Variants in JPT1 observed in about 807,000 individuals in gnomAD.
The protein encoded by JPT1 is Jupiter microtubule associated homolog 1.
In JPT1, 5 loss-of-function variants were observed where a neutral mutation model predicts 17.0. The observed-to-expected ratio is 0.29, with a 90% confidence interval of 0.15 to 0.62. The LOEUF (loss-of-function observed/expected upper bound fraction) is 0.62. JPT1 is among the 20% of genes least tolerant of loss of function. The pLI is 0.85. For synonymous variants in JPT1, 71 were observed against 73.6 expected (o/e 0.96, Z 0.18); for missense variants, 158 against 188.1 (o/e 0.84, Z 0.94).
rs1056845524 is a variant in JPT1 at position 75,138,243 on chromosome 17, G to A, written c.317-1993C>T. The stretch of plus-strand genomic sequence containing the variant: ...CTCCCAAGGTGCTGGGATTACAGGC[G>A]TGAGCCTCCATACTGGGCCTTAGTT... On this transcript the variant is annotated intron_variant, in intron 4 of 4. Transcript: ENST00000409753. Among the ~76,000 whole-genome samples the A allele has an allele frequency of 3.3e-5, 5 of 152,102 alleles. No individual in the cohort carries two copies. In the East Asian group the frequency reaches 7.7e-4, roughly 23 times the overall value.
chr17:75,145,250 C>T (rs1421139037), intron 4 of JPT1: 5 of 151,564 alleles, frequency 3.3e-5, no homozygotes, highest in African/African-American at 1.2e-4. Context: ...TCAACCTTTC[C>T]GTGTGTCCTT....
At chr17:75,149,028 A>G in intron 1 of JPT1, 1 of 1,273,144 alleles carries the variant, frequency 7.9e-7, no homozygotes, top group Non-Finnish European at 1.0e-6. Context: ...CTTTCAAAGA[A>G]GTTTAGAAGT....
rs974716998 is a variant in JPT1, at chr17:75,154,426, C to T, written c.-29G>A. 2.6e-6 allele frequency: 4 copies of T among 1,545,266 alleles called. No individual in the cohort carries two copies. The highest frequency in any genetic ancestry group is 3.5e-6 in the Non-Finnish European group (4 of 1,144,526). ...GCCGAGGAGCGAGGTAGGCTGGCGCCGGAGCAGAACGCTCAAAGGGTCGGA... is the reference window on the plus strand; with the variant it reads ...GCCGAGGAGCGAGGTAGGCTGGCGCTGGAGCAGAACGCTCAAAGGGTCGGA... On this transcript the variant is annotated 5_prime_UTR_variant, in exon 1 of 5. Coordinates refer to ENST00000409753, the MANE Select transcript of JPT1 (RefSeq NM_016185.4).
intron 4 of JPT1, 73 bp from the exon 5 acceptor site, chr17:75,136,323 CTTTT>C (rs759551749): frequency 2.1e-6 from 3 of 1,433,578 alleles, no homozygotes; most frequent in Non-Finnish European, 1.9e-6. Context: ...ATCTGTTTCT[CTTTT>C]TCTTTTTTTT....
At chr17:75,153,469 G>T (rs2074584691) in intron 1 of JPT1, 1 of 152,204 alleles carries the variant, frequency 6.6e-6, no homozygotes, top group African/African-American at 2.4e-5. Context: ...TCCTGCAAGG[G>T]AACCAGGGCC....
intron 1 of JPT1, among the ~76,000 whole-genome samples, chr17:75,150,323 G>A (rs993703247): frequency 6.6e-6 from 1 of 150,988 alleles, no homozygotes; most frequent in African/African-American, 2.4e-5. Flanking sequence ...GTGCAATCTC[G>A]GCTCACTGCA....
At chr17:75,144,608 TC>T (rs1391895879) in intron 4 of JPT1, among the ~76,000 whole-genome samples, 1 of 152,128 alleles carries the variant, frequency 6.6e-6, no homozygotes, top group African/African-American at 2.4e-5. Context: ...AGCAAATTAA[TC>T]AAAACCATAG....
chr17:75,144,438 G>C (rs1048673389), intron 4 of JPT1, among the ~76,000 whole-genome samples: 5 of 152,112 alleles, frequency 3.3e-5, no homozygotes, highest in African/African-American at 1.2e-4. Flanking sequence ...CTTCAGCTCA[G>C]GAGTTTGAAG....
chr17:75,140,773 A>G (rs2074292807), intron 4 of JPT1, among the ~76,000 whole-genome samples: 1 of 151,964 alleles, frequency 6.6e-6, no homozygotes, highest in Admixed American at 6.6e-5. Flanking sequence ...CGGGGGAAAC[A>G]TAGCAAAACC....
Position 75,146,154 on chromosome 17 carries a change from GGTTTA to G in JPT1, c.316+507_316+511del, listed in dbSNP as rs564459116. 5.3e-4 allele frequency among the ~76,000 whole-genome samples: 81 copies of G among 152,098 alleles called. No homozygotes were observed. In the South Asian group the frequency reaches 0.01, roughly 19 times the overall value. ...ATGTGTGTGTGTTTAGATATATTTT[GGTTTA>G]GTTTATTTTTTTCAGGCAAGGTCTC... On this transcript the variant is annotated intron_variant, in intron 4 of 4. Transcript: ENST00000409753.
At chr17:75,146,343 AG>A (rs147439296) in intron 4 of JPT1, 8,578 of 236,564 alleles carry the variant, frequency 0.036, 236 homozygotes, top group Non-Finnish European at 0.051. Flanking sequence ...TTATAGAGAC[AG>A]GGTTTCACCA....
At chr17:75,146,242 G>A (rs916461082) in intron 4 of JPT1, among the ~76,000 whole-genome samples, 8 of 152,004 alleles carry the variant, frequency 5.3e-5, no homozygotes, top group African/African-American at 1.7e-4. Flanking sequence ...CAACCTCCAC[G>A]TCCTGAGCTC....
At chr17:75,149,479 TG>T (rs1257285346) in intron 1 of JPT1, among the ~76,000 whole-genome samples, 2 of 152,176 alleles carry the variant, frequency 1.3e-5, no homozygotes, top group African/African-American at 4.8e-5. Context: ...GCCATTCACC[TG>T]CCTCAGCCTC....
At chr17:75,153,414 G>T (rs1220325665) in intron 1 of JPT1, 2 of 152,266 alleles carry the variant, frequency 1.3e-5, no homozygotes, top group Non-Finnish European at 1.5e-5. Context: ...TACCACGTTA[G>T]AGACAATGGA....
chr17:75,140,841 C>T (rs1328783953), intron 4 of JPT1, among the ~76,000 whole-genome samples: 1 of 152,126 alleles, frequency 6.6e-6, no homozygotes, highest in African/African-American at 2.4e-5. Flanking sequence ...CCTGTAATCC[C>T]GACACTTTGG....
At chr17:75,142,495 G>T (rs1213129630) in intron 4 of JPT1, among the ~76,000 whole-genome samples, 1 of 149,294 alleles carries the variant, frequency 6.7e-6, no homozygotes, top group Non-Finnish European at 1.5e-5. Context: ...GGTAGGTGGA[G>T]TTGCAGTGAG....
intron 1 of JPT1, chr17:75,154,064 A>C (rs1308426105): frequency 4.6e-6 from 1 of 219,056 alleles, no homozygotes; most frequent in Non-Finnish European, 8.9e-6. Flanking sequence ...GATTAACGAA[A>C]ACCGGCCGTG....
At chr17:75,153,043 T>C (rs1248952800) in intron 1 of JPT1, 1 of 152,220 alleles carries the variant, frequency 6.6e-6, no homozygotes, top group Non-Finnish European at 1.5e-5. Flanking sequence ...GAGATATGGC[T>C]ATTTCACGTG....
rs374091108 is a variant in JPT1 at position 75,148,822 on chromosome 17, C to T, written c.57-151G>A. ...TGCTAACAGGAAAAAAGAATCAACT[C>T]CATCAGTGTCTACATTCAGTGCTGG... On this transcript the variant is annotated intron_variant, in intron 1 of 4. Transcript: ENST00000409753. The T allele has an allele frequency of 1.7e-4, 163 of 978,254 alleles. No individual in the cohort carries two copies. The African/African-American group carries it at 2.3e-3, about 14-fold the overall frequency. 60.6% of individuals were successfully genotyped at this position (978,254 alleles called of 1,614,324 possible). A position where few individuals can be genotyped will look rare whatever the true frequency, so the allele number is the denominator to read the frequency against.
Sources: allele counts gnomAD v4.1 joint callset (sites outside exome capture counted in the v4.1 genomes callset), GRCh38; gene constraint gnomAD v4.1.1; transcripts MANE v1.5; gene names NCBI Gene and HGNC (gene_info 2026-07-23, HGNC 2026-07-21).